Variants in PLEKHM3 observed in about 807,000 individuals in gnomAD.
The protein encoded by PLEKHM3 is pleckstrin homology domain containing M3, also known as pleckstrin homology domain-containing family M member 3.
A neutral mutation model predicts 81.8 loss-of-function variants in PLEKHM3; 45 were observed. That is an observed-to-expected ratio of 0.55 (90% CI 0.43 to 0.71). The LOEUF (loss-of-function observed/expected upper bound fraction) is 0.71, where lower values mean the gene tolerates loss of function less well. Among genes scored for constraint, PLEKHM3 ranks in the 30% least tolerant of loss-of-function variants. The pLI, the probability that PLEKHM3 is intolerant of heterozygous loss-of-function variation, is 0.00. For missense variants in PLEKHM3, 788 were observed against 924.3 expected, an observed-to-expected ratio of 0.85 and a Z score of 1.91; for synonymous variants, 352 against 356.4, an observed-to-expected ratio of 0.99 and a Z score of 0.14.
At chr2:207,938,895 T>C (rs930493453) in intron 4 of PLEKHM3, among the ~76,000 whole-genome samples, 4 of 152,226 alleles carry the variant, frequency 2.6e-5, no homozygotes, top group African/African-American at 9.6e-5. Flanking sequence ...AAATTGGTGA[T>C]TTCTGTGACC....
At chr2:207,978,846 C>T (rs998193470) in intron 2 of PLEKHM3, among the ~76,000 whole-genome samples, 1 of 152,158 alleles carries the variant, frequency 6.6e-6, no homozygotes, top group Non-Finnish European at 1.5e-5. Flanking sequence ...ATCATGGGCT[C>T]TTAGTTCAGG....
At chr2:207,866,900 CT>C (rs1256966003) in intron 6 of PLEKHM3, among the ~76,000 whole-genome samples, 1 of 152,128 alleles carries the variant, frequency 6.6e-6, no homozygotes, top group Non-Finnish European at 1.5e-5. Flanking sequence ...CTGTTTTGTA[CT>C]CTTTGCTTTT....
At chr2:207,910,807 G>A (rs1282835193) in intron 5 of PLEKHM3, among the ~76,000 whole-genome samples, 1 of 152,150 alleles carries the variant, frequency 6.6e-6, no homozygotes, top group African/African-American at 2.4e-5. Flanking sequence ...ACAGACAGGT[G>A]ACAAGGCATG....
chr2:207,828,192 A>G lies in PLEKHM3; in HGVS notation c.*127T>C, dbSNP rs766733645. On this transcript the variant is annotated 3_prime_UTR_variant, in exon 8 of 8. Transcript: ENST00000427836. ...TTTGCGTATATATAAATAAATATATATATCTATATCTAGTTGAAGAGGATA... is the reference window on the plus strand; with the variant it reads ...TTTGCGTATATATAAATAAATATATGTATCTATATCTAGTTGAAGAGGATA... 44 of 724,282 alleles carry G rather than the reference A, an allele frequency of 6.1e-5. No homozygotes were observed. The highest frequency in any genetic ancestry group is 8.0e-5 in the Non-Finnish European group (37 of 460,780). The allele number at this position is 724,282 out of a possible 1,614,324, so 44.9% of individuals were successfully genotyped here. A position where few individuals can be genotyped will look rare whatever the true frequency, so the allele number is the denominator to read the frequency against.
intron 2 of PLEKHM3, among the ~76,000 whole-genome samples, chr2:207,995,150 T>C (rs937903995): frequency 1.3e-5 from 2 of 152,164 alleles, no homozygotes; most frequent in African/African-American, 4.8e-5. Context: ...AAAGTGACCA[T>C]CTTCCTTTTG....
At chr2:207,902,831 TCCAC>T (rs112067461) in intron 6 of PLEKHM3, among the ~76,000 whole-genome samples, 3,436 of 20,112 alleles carry the variant, frequency 0.17, 122 homozygotes, top group African/African-American at 0.34. Context: ...CACCCACCCA[TCCAC>T]CCACCCACCC....
At chr2:207,969,141 A>G (rs890380677) in intron 3 of PLEKHM3, among the ~76,000 whole-genome samples, 4 of 152,200 alleles carry the variant, frequency 2.6e-5, no homozygotes, top group Non-Finnish European at 5.9e-5. Flanking sequence ...AATTTTTCAC[A>G]TGGGAATGAA....
At position 207,914,681 on chromosome 2, in the gene PLEKHM3, C is replaced by CA. The variant is rs34724181; in HGVS notation, c.1887-6105dup. ...TGGGTGATAAAGCAAGACCCTGTGT[C>CA]AAAAAAAAAAAAAAAAAAGTAATTA... On this transcript the variant is annotated intron_variant, in intron 5 of 7. Coordinates refer to ENST00000427836, the MANE Select transcript of PLEKHM3 (RefSeq NM_001080475.3). 3.3e-3 allele frequency among the ~76,000 whole-genome samples: 369 copies of CA among 112,832 alleles called. 2 individuals are homozygous for CA. Among genetic ancestry groups the CA allele is most frequent in the South Asian group, 0.014 (44 of 3,186 alleles). 74.0% of individuals were successfully genotyped at this position (112,832 alleles called of 152,430 possible).
At chr2:208,020,352 T>C (rs1693085007) in intron 1 of PLEKHM3, among the ~76,000 whole-genome samples, 1 of 152,246 alleles carries the variant, frequency 6.6e-6, no homozygotes, top group Non-Finnish European at 1.5e-5. Flanking sequence ...AAAATGTTAA[T>C]GAAAACAGCA....
At chr2:208,012,682 T>G (rs1405035103) in intron 1 of PLEKHM3, among the ~76,000 whole-genome samples, 1 of 152,246 alleles carries the variant, frequency 6.6e-6, no homozygotes, top group Non-Finnish European at 1.5e-5. Context: ...CACTGCCTTC[T>G]GAGCTAACTG....
At position 207,828,276 on chromosome 2, in the gene PLEKHM3, G is replaced by A; in HGVS notation, c.*43C>T. 6.3e-7 allele frequency: 1 copy of A among 1,581,946 alleles called. No individual in the cohort carries two copies. Among genetic ancestry groups the A allele is most frequent in the Non-Finnish European group, 8.6e-7 (1 of 1,162,490 alleles). ...GTTAGGAGGCCGCTCTGGGGCTGAT[G>A]GATTGTTGATTGGTGAATCCCTGGC... On this transcript the variant is annotated 3_prime_UTR_variant, in exon 8 of 8. Transcript: ENST00000427836.
At chr2:207,907,376 C>T (rs1378836902) in intron 6 of PLEKHM3, among the ~76,000 whole-genome samples, 7 of 152,084 alleles carry the variant, frequency 4.6e-5, no homozygotes, top group Non-Finnish European at 1.0e-4. Flanking sequence ...GTGGCACATG[C>T]CTGTAATCCC....
At position 207,825,586 on chromosome 2, in the gene PLEKHM3, C is replaced by T. The variant is rs2092245508; in HGVS notation, c.*2733G>A. ...TGAAAACAGTAAGGGCGTTCATGTG[C>T]GCCAAGGTATTCTGGGCTGAAAACA... On this transcript the variant is annotated 3_prime_UTR_variant, in exon 8 of 8. Coordinates refer to ENST00000427836, the MANE Select transcript of PLEKHM3 (RefSeq NM_001080475.3). 6.6e-6 allele frequency: 1 copy of T among 152,132 alleles called. No individual in the cohort carries two copies. Among genetic ancestry groups the T allele is most frequent in the Non-Finnish European group, 1.5e-5 (1 of 68,046 alleles). The allele number at this position is 152,132 out of a possible 1,614,324, so 9.4% of individuals were successfully genotyped here.
chr2:207,828,545 A>T, intron 7 of PLEKHM3, 49 bp from the exon 8 acceptor site: 1 of 1,572,836 alleles, frequency 6.4e-7, no homozygotes, highest in Non-Finnish European at 8.7e-7. Context: ...AGCCAGCAAG[A>T]CACAAATGGG....
intron 6 of PLEKHM3, among the ~76,000 whole-genome samples, chr2:207,878,104 A>G (rs2092568424): frequency 6.6e-6 from 1 of 152,028 alleles, no homozygotes; most frequent in Non-Finnish European, 1.5e-5. Context: ...ATGCTCGACT[A>G]ATTTTAAAAA....
chr2:207,849,067 C>G (rs1189949590), intron 7 of PLEKHM3, among the ~76,000 whole-genome samples: 1 of 152,130 alleles, frequency 6.6e-6, no homozygotes, highest in African/African-American at 2.4e-5. Context: ...GGCGTGGTGG[C>G]TCATGCCTGT....
intron 4 of PLEKHM3, among the ~76,000 whole-genome samples, chr2:207,939,657 T>C (rs1205699320): frequency 1.3e-5 from 2 of 152,250 alleles, no homozygotes; most frequent in African/African-American, 2.4e-5. Context: ...GGTTCTATTA[T>C]TATTTCCATT....
rs1192789512 is a variant in PLEKHM3 at position 207,828,235 on chromosome 2, G to T, written c.*84C>A. 1 of 1,356,806 alleles carries T rather than the reference G, an allele frequency of 7.4e-7. No homozygotes were observed. The highest frequency in any genetic ancestry group is 1.0e-6 in the Non-Finnish European group (1 of 990,182). 84.0% of individuals were successfully genotyped at this position (1,356,806 alleles called of 1,614,324 possible). A position where few individuals can be genotyped will look rare whatever the true frequency, so the allele number is the denominator to read the frequency against. ...AGAGGATACATACTCTTCTTCCAAA[G>T]GGGTCTAACTGGCTAGTTAGGAGGC... On this transcript the variant is annotated 3_prime_UTR_variant, in exon 8 of 8. Transcript: ENST00000427836.
chr2:207,832,938 C>T (rs7369023), intron 7 of PLEKHM3, among the ~76,000 whole-genome samples: 99,544 of 150,650 alleles, frequency 0.66, 33,306 homozygotes, highest in African/African-American at 0.76. Flanking sequence ...ATGGTGAAAC[C>T]CTGTCTCTAC....
Sources: allele counts gnomAD v4.1 joint callset (sites outside exome capture counted in the v4.1 genomes callset), GRCh38; gene constraint gnomAD v4.1.1; transcripts MANE v1.5; gene names NCBI Gene and HGNC (gene_info 2026-07-23, HGNC 2026-07-21).